Variants in LRRC4C observed in about 807,000 individuals in gnomAD.
LRRC4C encodes leucine rich repeat containing 4C.
LRRC4C carries 5 observed loss-of-function variants against 33.6 expected under a neutral mutation model. The observed-to-expected ratio is 0.15, with a 90% CI of 0.08 to 0.31. The LOEUF (loss-of-function observed/expected upper bound fraction) is 0.31, where lower values mean the gene tolerates loss of function less well. Among genes scored for constraint, LRRC4C ranks in the 10% least tolerant of loss-of-function variants. The probability of loss-of-function intolerance (pLI) is 1.00; values close to 1 mark genes in which losing one functional copy is unlikely to be tolerated. For synonymous variants in LRRC4C, 329 were observed against 302.0 expected (o/e 1.09, Z -0.93); for missense variants, 560 against 796.7 (o/e 0.70, Z 3.58).
chr11:41,207,841 A>C (rs1590935904), intron 1 of LRRC4C, among the ~76,000 whole-genome samples: 1 of 152,286 alleles, frequency 6.6e-6, no homozygotes, highest in Non-Finnish European at 1.5e-5. Flanking sequence ...AGGCTAATAT[A>C]GATTTTAGTA....
intron 2 of LRRC4C, among the ~76,000 whole-genome samples, chr11:40,906,388 G>A (rs532718764): frequency 1.1e-4 from 17 of 152,278 alleles, no homozygotes; most frequent in African/African-American, 3.8e-4. Flanking sequence ...CCATGCGCCT[G>A]TAATCCCAGC....
chr11:40,148,656 C>A (rs867460098), intron 5 of LRRC4C, among the ~76,000 whole-genome samples: 1 of 152,072 alleles, frequency 6.6e-6, no homozygotes, highest in East Asian at 1.9e-4. Flanking sequence ...TTGGTAGTTT[C>A]TTTTGCTGTG....
intron 1 of LRRC4C, among the ~76,000 whole-genome samples, chr11:41,195,922 G>C (rs1946159893): frequency 6.6e-6 from 1 of 152,074 alleles, no homozygotes; most frequent in African/African-American, 2.4e-5. Flanking sequence ...TAAGCCCTTT[G>C]AGAAGGAAGG....
chr11:41,357,624 GT>G (rs1297795844), intron 1 of LRRC4C, among the ~76,000 whole-genome samples: 1 of 151,898 alleles, frequency 6.6e-6, no homozygotes. Context: ...TTTCCATATT[GT>G]TGTTGGAATG....
chr11:40,331,720 G>A (rs1028776128), intron 3 of LRRC4C, among the ~76,000 whole-genome samples: 10 of 152,086 alleles, frequency 6.6e-5, no homozygotes, highest in Non-Finnish European at 8.8e-5. Context: ...TTCTCCTGCC[G>A]TCAGATATCA....
At chr11:40,948,011 C>T (rs1489726434) in intron 1 of LRRC4C, among the ~76,000 whole-genome samples, 1 of 151,990 alleles carries the variant, frequency 6.6e-6, no homozygotes, top group South Asian at 2.1e-4. Context: ...GAACTGATAT[C>T]TCTTCCTTCA....
intron 1 of LRRC4C, among the ~76,000 whole-genome samples, chr11:40,991,533 G>T (rs748685503): frequency 2.0e-5 from 3 of 152,102 alleles, no homozygotes; most frequent in Non-Finnish European, 4.4e-5. Flanking sequence ...ACACTTATTT[G>T]TGCACTTTAT....
chr11:40,940,344 T>C (rs1321157769), intron 1 of LRRC4C, among the ~76,000 whole-genome samples: 2 of 152,120 alleles, frequency 1.3e-5, no homozygotes, highest in Non-Finnish European at 2.9e-5. Context: ...TTGAAGAATA[T>C]TGTACTATCT....
At chr11:40,903,935 C>G (rs954423594) in intron 2 of LRRC4C, among the ~76,000 whole-genome samples, 1 of 151,616 alleles carries the variant, frequency 6.6e-6, no homozygotes, top group East Asian at 1.9e-4. Flanking sequence ...AATGTACTCA[C>G]CAAATTTTAA....
intron 4 of LRRC4C, among the ~76,000 whole-genome samples, chr11:40,259,103 C>A (rs918031769): frequency 1.3e-5 from 2 of 152,160 alleles, no homozygotes; most frequent in South Asian, 2.1e-4. Context: ...AGACTCACAG[C>A]TACTAGTGGA....
At chr11:41,243,710 G>C (rs1948340728) in intron 1 of LRRC4C, among the ~76,000 whole-genome samples, 1 of 152,160 alleles carries the variant, frequency 6.6e-6, no homozygotes, top group Non-Finnish European at 1.5e-5. Context: ...TAGAAGCACA[G>C]CCTAGGGATA....
intron 1 of LRRC4C, among the ~76,000 whole-genome samples, chr11:41,050,352 A>G (rs1477722598): frequency 6.6e-6 from 1 of 152,132 alleles, no homozygotes; most frequent in Non-Finnish European, 1.5e-5. Context: ...TTACGTAGCT[A>G]TACATGGGTG....
intron 2 of LRRC4C, among the ~76,000 whole-genome samples, chr11:40,718,056 T>A (rs73471322): frequency 0.15 from 23,086 of 152,224 alleles, 1,835 homozygotes; most frequent in South Asian, 0.18. Flanking sequence ...AGGATCTGTA[T>A]ACATATCCAC....
At chr11:40,818,833 C>T (rs1279319475) in intron 2 of LRRC4C, among the ~76,000 whole-genome samples, 1 of 152,032 alleles carries the variant, frequency 6.6e-6, no homozygotes, top group Non-Finnish European at 1.5e-5. Flanking sequence ...TTAACCAATT[C>T]ATACCTAGCT....
intron 4 of LRRC4C, among the ~76,000 whole-genome samples, chr11:40,309,551 G>A (rs1225195636): frequency 1.4e-5 from 2 of 144,770 alleles, no homozygotes; most frequent in Non-Finnish European, 3.0e-5. Flanking sequence ...TTGCTCTGTT[G>A]CTGGAGTGCA....
intron 2 of LRRC4C, among the ~76,000 whole-genome samples, chr11:40,696,748 G>GTGTGTATATA (rs368234307): frequency 4.8e-5 from 6 of 125,886 alleles, no homozygotes; most frequent in Admixed American, 8.3e-5. Flanking sequence ...TATACACTGT[G>GTGTGTATATA]TATATATATA....
At chr11:40,470,624 A>G (rs1952885541) in intron 3 of LRRC4C, among the ~76,000 whole-genome samples, 1 of 152,184 alleles carries the variant, frequency 6.6e-6, no homozygotes, top group Admixed American at 6.5e-5. Context: ...AATGCAAGGA[A>G]GCTAAGAACC....
chr11:40,512,193 G>A (rs1290055353), intron 3 of LRRC4C, among the ~76,000 whole-genome samples: 2 of 151,918 alleles, frequency 1.3e-5, no homozygotes, highest in African/African-American at 2.4e-5. Flanking sequence ...TATGTAACAA[G>A]CAACCACACT....
intron 2 of LRRC4C, among the ~76,000 whole-genome samples, chr11:40,784,429 T>A (rs916770752): frequency 2.0e-5 from 3 of 152,152 alleles, no homozygotes; most frequent in African/African-American, 7.2e-5. Context: ...GGGAAAGAGC[T>A]TGGAAAAGCA....
Sources: allele counts gnomAD v4.1 joint callset (sites outside exome capture counted in the v4.1 genomes callset), GRCh38; gene constraint gnomAD v4.1.1; transcripts MANE v1.5; gene names NCBI Gene and HGNC (gene_info 2026-07-23, HGNC 2026-07-21).